Variants in KCTD1 observed in about 807,000 individuals in gnomAD.
The protein encoded by KCTD1 is potassium channel tetramerization domain containing 1, also known as BTB/POZ domain-containing protein KCTD1.
KCTD1 carries 24 observed loss-of-function variants against 66.0 expected under a neutral mutation model. That is an observed-to-expected ratio of 0.36 (90% confidence interval 0.26 to 0.51). The LOEUF (loss-of-function observed/expected upper bound fraction) is 0.51, where lower values mean the gene tolerates loss of function less well. Ranked by LOEUF, KCTD1 falls within the 20% of genes least tolerant of loss-of-function variation. The pLI, the probability that KCTD1 is intolerant of heterozygous loss-of-function variation, is 0.95. For missense variants in KCTD1, 943 were observed against 1,205.2 expected (o/e 0.78, Z 3.22); for synonymous variants, 511 against 517.2 (o/e 0.99, Z 0.16).
At chr18:26,478,330 T>C (rs1469439833) in intron 2 of KCTD1, among the ~76,000 whole-genome samples, 1 of 152,132 alleles carries the variant, frequency 6.6e-6, no homozygotes, top group African/African-American at 2.4e-5. Flanking sequence ...TTAAGCAGCA[T>C]TGGGGTATTT....
At chr18:26,520,786 A>C (rs1983873547) in intron 1 of KCTD1, among the ~76,000 whole-genome samples, 1 of 152,258 alleles carries the variant, frequency 6.6e-6, no homozygotes, top group Admixed American at 6.5e-5. Flanking sequence ...GCCTGGAGAT[A>C]CTGAGATAGT....
intron 1 of KCTD1, among the ~76,000 whole-genome samples, chr18:26,597,655 G>C (rs1010038396): frequency 7.8e-6 from 1 of 128,080 alleles, no homozygotes; most frequent in African/African-American, 2.9e-5. Context: ...CTGAGGTCTT[G>C]GTGTTTTTTT....
intron 1 of KCTD1, among the ~76,000 whole-genome samples, chr18:26,605,155 C>T (rs1239340960): frequency 6.6e-6 from 1 of 152,172 alleles, no homozygotes; most frequent in Non-Finnish European, 1.5e-5. Flanking sequence ...CACATCTGTT[C>T]CGTTTCATTG....
chr18:26,622,157 A>G (rs983654417), intron 1 of KCTD1, among the ~76,000 whole-genome samples: 1 of 152,180 alleles, frequency 6.6e-6, no homozygotes, highest in African/African-American at 2.4e-5. Context: ...AACTGTCTAA[A>G]TTCTCTACTA....
chr18:26,475,192 A>G (rs1981276297), intron 3 of KCTD1, among the ~76,000 whole-genome samples: 1 of 151,400 alleles, frequency 6.6e-6, no homozygotes, highest in Non-Finnish European at 1.5e-5. Context: ...ACCATTACCC[A>G]CCTTTACCAT....
chr18:26,459,479 G>A (rs1980284995), intron 4 of KCTD1, 141 bp downstream of exon 4: 1 of 728,270 alleles, frequency 1.4e-6, no homozygotes, highest in Non-Finnish European at 2.2e-6. Flanking sequence ...TGCTATAGAG[G>A]GTGATAATTC....
chr18:26,563,007 C>A (rs570239445), intron 1 of KCTD1, among the ~76,000 whole-genome samples: 1 of 152,336 alleles, frequency 6.6e-6, no homozygotes, highest in African/African-American at 2.4e-5. Flanking sequence ...CCATCCAAAT[C>A]TGCTCCTCCT....
intron 1 of KCTD1, among the ~76,000 whole-genome samples, chr18:26,524,293 C>T (rs1232329626): frequency 1.3e-5 from 2 of 152,172 alleles, no homozygotes; most frequent in Non-Finnish European, 2.9e-5. Flanking sequence ...CAAGACAGCG[C>T]TCACAGGCTC....
chr18:26,493,166 A>C (rs1259575973), intron 2 of KCTD1, among the ~76,000 whole-genome samples: 2 of 152,154 alleles, frequency 1.3e-5, no homozygotes, highest in Non-Finnish European at 2.9e-5. Context: ...CTGGAAGTTG[A>C]GTGTATGACC....
intron 1 of KCTD1, among the ~76,000 whole-genome samples, chr18:26,605,724 A>ATATC (rs10680402): frequency 0.17 from 23,718 of 135,830 alleles, 2,080 homozygotes; most frequent in Middle Eastern, 0.2. Context: ...ATATATCTCT[A>ATATC]TATCTATCTA....
intron 1 of KCTD1, among the ~76,000 whole-genome samples, chr18:26,639,552 G>A (rs1987792261): frequency 6.6e-6 from 1 of 152,032 alleles, no homozygotes; most frequent in African/African-American, 2.4e-5. Context: ...AAATCCTAGG[G>A]CCCAGAGTTA....
At chr18:26,499,801 T>C (rs1982661490) in intron 2 of KCTD1, among the ~76,000 whole-genome samples, 1 of 152,210 alleles carries the variant, frequency 6.6e-6, no homozygotes, top group African/African-American at 2.4e-5. Flanking sequence ...TTCCAGTTCC[T>C]GTGATCAGAA....
In KCTD1 at chr18:26,471,896, A is replaced by T. The variant is rs556635510; in HGVS notation, c.2133+4619T>A. Among the ~76,000 whole-genome samples, 14 of 152,252 alleles carry T rather than the reference A, an allele frequency of 9.2e-5. No individual in the cohort carries two copies. The South Asian group carries it at 2.5e-3, about 27-fold the overall frequency. On this transcript the variant is annotated intron_variant, in intron 3 of 4. Transcript: ENST00000580059. ...TGAAGCCACTCCAAGGAGTCCAGAG[A>T]GCTGCTGGGCCTTGGGCTAGGGAGG...
At position 26,476,023 on chromosome 18, in the gene KCTD1, A is replaced by G. The variant is rs1981329039; in HGVS notation, c.2133+492T>C. The stretch of plus-strand genomic sequence containing the variant: ...TTTCGTGAATTCCCTTCTAATATTA[A>G]CACTTTCTATTTGTTCTCCTTGTCT... On this transcript the variant is annotated intron_variant, in intron 3 of 4. Coordinates refer to ENST00000580059, the MANE Select transcript of KCTD1 (RefSeq NM_001142730.3). This position sits in a 1 kb window ranked among gnomAD's most constrained non-coding sequence, Gnocchi z 4.9. Among the ~76,000 whole-genome samples the G allele has an allele frequency of 6.6e-6, 1 of 152,214 alleles. No individual in the cohort carries two copies. Among genetic ancestry groups the G allele is most frequent in the South Asian group, 2.1e-4 (1 of 4,836 alleles).
chr18:26,628,504 G>A (rs753220400), intron 1 of KCTD1, among the ~76,000 whole-genome samples: 13 of 151,926 alleles, frequency 8.6e-5, no homozygotes, highest in Admixed American at 3.9e-4. Context: ...CTTCAAACAT[G>A]CCAAAGGCAC....
chr18:26,567,816 C>T (rs1363898569), intron 1 of KCTD1, among the ~76,000 whole-genome samples: 1 of 152,050 alleles, frequency 6.6e-6, no homozygotes. Flanking sequence ...TCTACTGTTA[C>T]AGTAAATAGA....
At chr18:26,588,211 T>C (rs1177029807) in intron 1 of KCTD1, among the ~76,000 whole-genome samples, 1 of 151,718 alleles carries the variant, frequency 6.6e-6, no homozygotes, top group African/African-American at 2.4e-5. Flanking sequence ...CTTGAACCCA[T>C]GAGCTCCAGG....
chr18:26,643,531 T>G (rs1018393899), upstream of KCTD1, among the ~76,000 whole-genome samples: 1 of 151,594 alleles, frequency 6.6e-6, no homozygotes, highest in African/African-American at 2.4e-5. Flanking sequence ...ATAGAGGGAG[T>G]GGACATCTCA....
At chr18:26,620,348 TAAAAAAAAAAAAAAAAAAAA>T (rs10594272) in intron 1 of KCTD1, among the ~76,000 whole-genome samples, 6,453 of 87,252 alleles carry the variant, frequency 0.074, 299 homozygotes, top group Admixed American at 0.12. Flanking sequence ...AGGTAAATCT[TAAAAAAAAAAAAAAAAAAAA>T]AAAAAAAAAA....
Sources: allele counts gnomAD v4.1 joint callset (sites outside exome capture counted in the v4.1 genomes callset), GRCh38; gene constraint gnomAD v4.1.1; non-coding constraint Gnocchi (gnomAD v3.1); transcripts MANE v1.5; gene names NCBI Gene and HGNC (gene_info 2026-07-23, HGNC 2026-07-21).